DPYD: variants seen among roughly 807,000 people sequenced by gnomAD.
DPYD encodes dihydropyrimidine dehydrogenase [NADP(+)].
DPYD carries 109 observed loss-of-function variants against 116.2 expected under a neutral mutation model. The ratio of observed to expected loss-of-function variants is 0.94; its 90% CI spans 0.80 to 1.10. The LOEUF (loss-of-function observed/expected upper bound fraction) is 1.10. Ranked by LOEUF, DPYD falls within the 50% of genes least tolerant of loss-of-function variation. The probability of loss-of-function intolerance (pLI) is 0.00; values close to 1 mark genes in which losing one functional copy is unlikely to be tolerated. For synonymous variants in DPYD, 440 were observed against 432.0 expected (o/e 1.02, Z -0.23); for missense variants, 1,302 against 1,254.5 (o/e 1.04, Z -0.57).
chr1:97,082,435 T>C lies in DPYD; in HGVS notation c.2802A>G (p.Thr934=), dbSNP rs377152743. 1 of 1,613,664 alleles carries C rather than the reference T, an allele frequency of 6.2e-7. No homozygotes were observed. The highest frequency in any genetic ancestry group is 8.5e-7 in the Non-Finnish European group (1 of 1,179,652). ...GCTCTACGTTGCTCAATTCACCAAA[T>C]GTTCCAAGGTACTGCAGTGCTTTTC... ...VIGKALQYLG[T]FGELSNVEQV... is the part of the protein sequence containing the mutation. The change falls in exon 22 of 23, where the codon ACA becomes ACG. Residue 934 remains threonine (T), a synonymous_variant. Transcript: ENST00000370192.
At chr1:97,493,032 T>G (rs903870410) in intron 13 of DPYD, among the ~76,000 whole-genome samples, 1 of 152,166 alleles carries the variant, frequency 6.6e-6, no homozygotes, top group Admixed American at 6.5e-5. Flanking sequence ...GACTTGCTGG[T>G]TTGATCTCTT....
At chr1:97,300,165 A>C (rs778955115) in intron 18 of DPYD, among the ~76,000 whole-genome samples, 2 of 152,150 alleles carry the variant, frequency 1.3e-5, no homozygotes, top group African/African-American at 4.8e-5. Flanking sequence ...GGTGAATAAC[A>C]GGCCAGATTT....
intron 18 of DPYD, among the ~76,000 whole-genome samples, chr1:97,274,389 C>A (rs1664790726): frequency 1.3e-5 from 2 of 152,224 alleles, no homozygotes; most frequent in African/African-American, 4.8e-5. Flanking sequence ...CTCTCTTGTG[C>A]CCTCTCTTGC....
chr1:97,687,088 T>A (rs960706341), intron 7 of DPYD, among the ~76,000 whole-genome samples: 4 of 152,078 alleles, frequency 2.6e-5, no homozygotes, highest in Non-Finnish European at 4.4e-5. Flanking sequence ...CTGGCCAACA[T>A]GGTAAAATCC....
chr1:97,408,054 T>A (rs1431410702), intron 14 of DPYD, among the ~76,000 whole-genome samples: 1 of 151,998 alleles, frequency 6.6e-6, no homozygotes, highest in Non-Finnish European at 1.5e-5. Context: ...ATACAGGAGA[T>A]CCCTTAGGGC....
intron 13 of DPYD, among the ~76,000 whole-genome samples, chr1:97,506,987 T>C (rs1200167019): frequency 2.6e-5 from 4 of 152,002 alleles, no homozygotes; most frequent in African/African-American, 9.7e-5. Flanking sequence ...TTAGCTTCAA[T>C]ATTGAATGTG....
At chr1:97,547,701 G>C (rs2811164) in intron 12 of DPYD, among the ~76,000 whole-genome samples, 3,830 of 152,056 alleles carry the variant, frequency 0.025, 159 homozygotes, top group African/African-American at 0.087. Context: ...GTTGTTTAAA[G>C]ATGAGGTCTC....
chr1:97,667,974 T>C (rs2100886583), intron 8 of DPYD, among the ~76,000 whole-genome samples: 1 of 152,240 alleles, frequency 6.6e-6, no homozygotes, highest in Admixed American at 6.5e-5. Context: ...ATATATAATG[T>C]ATGATTCCAC....
At chr1:97,771,556 C>T (rs892336160) in intron 3 of DPYD, among the ~76,000 whole-genome samples, 16 of 152,090 alleles carry the variant, frequency 1.1e-4, no homozygotes, top group Non-Finnish European at 1.5e-4. Flanking sequence ...AGCACACATT[C>T]TAAAGAAAGA....
chr1:97,494,716 T>C (rs551480427), intron 13 of DPYD, among the ~76,000 whole-genome samples: 50 of 151,698 alleles, frequency 3.3e-4, no homozygotes, highest in African/African-American at 1.2e-3. Flanking sequence ...CACTCCAGCC[T>C]GGATGACAGA....
intron 11 of DPYD, 146 bp from the exon 12 acceptor site, chr1:97,549,890 C>T: frequency 1.3e-6 from 1 of 788,832 alleles, no homozygotes. Flanking sequence ...AAATGAAAAG[C>T]TAACGAAATA....
intron 20 of DPYD, among the ~76,000 whole-genome samples, chr1:97,104,069 C>A (rs1365910365): frequency 1.3e-5 from 2 of 152,062 alleles, no homozygotes. Context: ...TTTAGAATAT[C>A]CTGGGCATAT....
intron 13 of DPYD, among the ~76,000 whole-genome samples, chr1:97,487,243 T>C (rs980966632): frequency 1.3e-5 from 2 of 152,064 alleles, no homozygotes; most frequent in Non-Finnish European, 2.9e-5. Flanking sequence ...ATTCTATTAA[T>C]GAGTGACCTC....
intron 13 of DPYD, among the ~76,000 whole-genome samples, chr1:97,451,642 C>T (rs986462559): frequency 3.3e-5 from 5 of 152,090 alleles, no homozygotes; most frequent in Non-Finnish European, 7.4e-5. Context: ...AGTTACTCCA[C>T]GAAGCTCAAG....
intron 20 of DPYD, among the ~76,000 whole-genome samples, chr1:97,141,009 T>C (rs1654176429): frequency 6.6e-6 from 1 of 152,162 alleles, no homozygotes; most frequent in African/African-American, 2.4e-5. Flanking sequence ...ATCATACGTC[T>C]AATAGATCTG....
intron 2 of DPYD, among the ~76,000 whole-genome samples, chr1:97,876,500 C>A (rs182360046): frequency 8.5e-5 from 13 of 152,118 alleles, no homozygotes; most frequent in Admixed American, 5.2e-4. Flanking sequence ...TTTCTATAAT[C>A]TTTCCCATCC....
chr1:97,814,908 A>AG (rs1668501979), intron 3 of DPYD, among the ~76,000 whole-genome samples: 1 of 49,338 alleles, frequency 2.0e-5, no homozygotes, highest in Non-Finnish European at 4.3e-5. Context: ...TGTCTCAAAA[A>AG]AAAAAAAAAA....
Position 97,542,359 on chromosome 1 carries a change from A to G in DPYD, c.1524+7201T>C, listed in dbSNP as rs377400003. Among the ~76,000 whole-genome samples, 10 of 152,284 alleles carry G rather than the reference A, an allele frequency of 6.6e-5. 1 individual carries two copies. In the South Asian group the frequency reaches 1.2e-3, roughly 19 times the overall value. On this transcript the variant is annotated intron_variant, in intron 12 of 22. Coordinates refer to ENST00000370192, the MANE Select transcript of DPYD (RefSeq NM_000110.4). ...CTCCTCTGTATAGAAGCAGAACAAC[A>G]AAAGGTTTTATTGTTTGATTAGTGG...
chr1:97,530,214 C>CTTTTTTTTT (rs57740723), intron 12 of DPYD, among the ~76,000 whole-genome samples: 98 of 112,698 alleles, frequency 8.7e-4, no homozygotes, highest in Non-Finnish European at 1.1e-3. Flanking sequence ...CTTTTTTTTT[C>CTTTTTTTTT]TTTTTTTTTT....
Sources: allele counts gnomAD v4.1 joint callset (sites outside exome capture counted in the v4.1 genomes callset), GRCh38; gene constraint gnomAD v4.1.1; transcripts MANE v1.5; gene names NCBI Gene and HGNC (gene_info 2026-07-23, HGNC 2026-07-21).